ARHGAP24: variants seen among roughly 807,000 people sequenced by gnomAD.
ARHGAP24 encodes the protein rho GTPase-activating protein 24.
A neutral mutation model predicts 76.4 loss-of-function variants in ARHGAP24; 50 were observed. The ratio of observed to expected loss-of-function variants is 0.65; its 90% CI spans 0.52 to 0.83. The LOEUF (loss-of-function observed/expected upper bound fraction) is 0.83, where lower values mean the gene tolerates loss of function less well. Among genes scored for constraint, ARHGAP24 ranks in the 40% least tolerant of loss-of-function variants. ARHGAP24 has a pLI of 0.00. For synonymous variants in ARHGAP24, 345 were observed against 323.3 expected, an observed-to-expected ratio of 1.07 and a Z score of -0.72; for missense variants, 930 against 914.2, an observed-to-expected ratio of 1.02 and a Z score of -0.22.
rs1722529766 is a variant in ARHGAP24, at chr4:85,664,451, T to C, written c.181-57434T>C. ...CAGTCTATCAATTTTGTTGATCCTT[T>C]CAAAAAACCAGCCCCTGGATTCATT... On this transcript the variant is annotated intron_variant, in intron 2 of 9. Transcript: ENST00000395184. Among the ~76,000 whole-genome samples the C allele has an allele frequency of 2.0e-5, 3 of 151,216 alleles. 1 individual carries two copies. Among genetic ancestry groups the C allele is most frequent in the African/African-American group, 7.4e-5 (3 of 40,528 alleles).
At chr4:85,774,171 C>A (rs960247995) in intron 3 of ARHGAP24, among the ~76,000 whole-genome samples, 1 of 152,142 alleles carries the variant, frequency 6.6e-6, no homozygotes, top group Non-Finnish European at 1.5e-5. Flanking sequence ...GTGTAGTGAG[C>A]CAGTCACATT....
At chr4:85,829,480 C>T (rs1203784247) in intron 3 of ARHGAP24, among the ~76,000 whole-genome samples, 1 of 152,196 alleles carries the variant, frequency 6.6e-6, no homozygotes, top group Non-Finnish European at 1.5e-5. Context: ...CTTTCAGACT[C>T]TATGTAAGAG....
chr4:85,928,370 A>G (rs1415582370), intron 4 of ARHGAP24, among the ~76,000 whole-genome samples: 3 of 151,648 alleles, frequency 2.0e-5, no homozygotes, highest in African/African-American at 7.3e-5. Flanking sequence ...GTTTCTGTTC[A>G]ATTGTTTTTG....
In ARHGAP24 at chr4:85,995,547, G is replaced by A; in HGVS notation, c.1893G>A (p.Glu631=). The A allele has an allele frequency of 1.2e-6, 2 of 1,611,722 alleles. No homozygotes were observed. Among genetic ancestry groups the A allele is most frequent in the South Asian group, 1.1e-5 (1 of 90,774 alleles). The change falls in exon 9 of 10, where the codon GAG becomes GAA. Residue 631 remains glutamate (E), a synonymous_variant. Transcript: ENST00000395184. ...SRATSSSDNS[E]TFVGNSSSNH... ...CCACCAGTAGCAGTGACAACAGTGA[G>A]ACATTTGTGGGCAACAGCAGCAGCA...
intron 3 of ARHGAP24, among the ~76,000 whole-genome samples, chr4:85,769,902 T>C (rs1727071575): frequency 6.6e-6 from 1 of 152,146 alleles, no homozygotes; most frequent in Non-Finnish European, 1.5e-5. Flanking sequence ...TGGTTAATCC[T>C]TAAGAATAGT....
chr4:85,536,055 T>C (rs1401167103), intron 1 of ARHGAP24, among the ~76,000 whole-genome samples: 1 of 152,106 alleles, frequency 6.6e-6, no homozygotes, highest in African/African-American at 2.4e-5. Context: ...ATTCAACAAA[T>C]TTGACAGCAG....
chr4:85,919,520 A>G (rs930807236), intron 3 of ARHGAP24, among the ~76,000 whole-genome samples: 2 of 152,204 alleles, frequency 1.3e-5, no homozygotes, highest in Non-Finnish European at 2.9e-5. Context: ...ATCATGCCCC[A>G]CCCCTTGCCG....
intron 2 of ARHGAP24, among the ~76,000 whole-genome samples, chr4:85,702,381 T>C (rs143369704): frequency 9.7e-4 from 148 of 152,330 alleles, no homozygotes; most frequent in Non-Finnish European, 1.4e-3. Flanking sequence ...GAATAATGCA[T>C]ACCTTAAAAT....
Position 85,785,121 on chromosome 4 carries a change from G to A in ARHGAP24, c.268+63149G>A, listed in dbSNP as rs187648806. On this transcript the variant is annotated intron_variant, in intron 3 of 9. Transcript: ENST00000395184. The stretch of plus-strand genomic sequence containing the variant: ...TGAGGTCCAGCTTTGGTGCATTCAC[G>A]TGTGTCATCCTGTGTGTTACTCAGT... Among the ~76,000 whole-genome samples, 395 of 152,224 alleles carry A rather than the reference G, an allele frequency of 2.6e-3. 5 individuals carry two copies. Among genetic ancestry groups the A allele is most frequent in the East Asian group, 3.5e-3 (18 of 5,188 alleles).
At chr4:85,601,465 T>C (rs933910394) in intron 2 of ARHGAP24, among the ~76,000 whole-genome samples, 1 of 152,194 alleles carries the variant, frequency 6.6e-6, no homozygotes, top group Non-Finnish European at 1.5e-5. Flanking sequence ...AATTAGAGGC[T>C]GGGCAATTAT....
chr4:85,499,474 C>G (rs746787508), intron 1 of ARHGAP24, among the ~76,000 whole-genome samples: 8 of 152,318 alleles, frequency 5.3e-5, no homozygotes, highest in African/African-American at 1.9e-4. Flanking sequence ...ACTTCGTTTC[C>G]TGTTTTCCTC....
intron 2 of ARHGAP24, among the ~76,000 whole-genome samples, chr4:85,625,067 T>C (rs1720889865): frequency 6.6e-6 from 1 of 152,196 alleles, no homozygotes. Context: ...TGTGTCCTAT[T>C]TCCTTCAGTT....
At chr4:85,982,034 A>G (rs1013648355) in intron 8 of ARHGAP24, among the ~76,000 whole-genome samples, 4 of 151,338 alleles carry the variant, frequency 2.6e-5, no homozygotes, top group Non-Finnish European at 5.9e-5. Context: ...CTCGACCAAC[A>G]TGTATTTGGG....
At position 85,497,810 on chromosome 4, in the gene ARHGAP24, A is replaced by C. The variant is rs556098641; in HGVS notation, c.-21+22251A>C. On this transcript the variant is annotated intron_variant, in intron 1 of 9. Transcript: ENST00000395184. Reference sequence around the variant, plus strand: ...ACTCCAGTCTGGGTGACAAGACCAAAACTCAGTCTGGAAAAAAACAAAAGA... The same window carrying C: ...ACTCCAGTCTGGGTGACAAGACCAACACTCAGTCTGGAAAAAAACAAAAGA... 2.0e-5 allele frequency among the ~76,000 whole-genome samples: 3 copies of C among 152,268 alleles called. No individual in the cohort carries two copies. In the South Asian group the frequency reaches 6.2e-4, roughly 32 times the overall value.
intron 3 of ARHGAP24, among the ~76,000 whole-genome samples, chr4:85,796,197 A>G (rs1728332132): frequency 7.7e-6 from 1 of 129,162 alleles, no homozygotes; most frequent in South Asian, 2.8e-4. Flanking sequence ...TTAGTTTTAT[A>G]CCTACTACAC....
chr4:85,484,798 G>T (rs1390232270), intron 1 of ARHGAP24, among the ~76,000 whole-genome samples: 1 of 151,916 alleles, frequency 6.6e-6, no homozygotes, highest in Non-Finnish European at 1.5e-5. Context: ...TGTCTTTTTA[G>T]TAGAGATGGG....
chr4:85,618,968 T>A (rs974356843), intron 2 of ARHGAP24, among the ~76,000 whole-genome samples: 1 of 152,122 alleles, frequency 6.6e-6, no homozygotes, highest in Non-Finnish European at 1.5e-5. Flanking sequence ...CTTTTTGATT[T>A]GATGTAATCA....
Position 85,938,985 on chromosome 4 carries a change from A to G in ARHGAP24, c.392-3081A>G, listed in dbSNP as rs143466575. Reference sequence around the variant, plus strand: ...TCAGCCATTGTGCATACTACACAGTATTCTGTAATAGCCACTGAGTGGCTC... The same window carrying G: ...TCAGCCATTGTGCATACTACACAGTGTTCTGTAATAGCCACTGAGTGGCTC... On this transcript the variant is annotated intron_variant, in intron 4 of 9. Coordinates refer to ENST00000395184, the MANE Select transcript of ARHGAP24 (RefSeq NM_001025616.3). Among the ~76,000 whole-genome samples the G allele has an allele frequency of 3.5e-3, 529 of 152,284 alleles. 11 individuals are homozygous for G. In the East Asian group the frequency reaches 0.046, roughly 13 times the overall value.
intron 5 of ARHGAP24, among the ~76,000 whole-genome samples, chr4:85,958,816 G>C (rs1161513170): frequency 2.0e-5 from 3 of 152,106 alleles, no homozygotes; most frequent in African/African-American, 7.2e-5. Flanking sequence ...CCCATTTACT[G>C]TTATCCTCAG....
Sources: gnomAD v4.1 joint callset for allele counts (sites outside exome capture counted in the v4.1 genomes callset) on GRCh38, gnomAD v4.1.1 for gene constraint, MANE v1.5 for transcripts, NCBI Gene and HGNC (gene_info 2026-07-23, HGNC 2026-07-21) for gene names.